The following CACNB2 variants were observed in gnomAD, a reference collection of about 807,000 sequenced individuals.
CACNB2 encodes calcium voltage-gated channel auxiliary subunit beta 2, also known as voltage-dependent L-type calcium channel subunit beta-2.
A neutral mutation model predicts 73.3 loss-of-function variants in CACNB2; 42 were observed. The observed-to-expected ratio is 0.57, with a 90% CI of 0.45 to 0.74. CACNB2 has a LOEUF of 0.74. Among genes scored for constraint, CACNB2 ranks in the 30% least tolerant of loss-of-function variants. The pLI, the probability that CACNB2 is intolerant of heterozygous loss-of-function variation, is 0.00. For synonymous variants in CACNB2, 348 were observed against 310.3 expected (o/e 1.12, Z -1.28); for missense variants, 940 against 853.0 (o/e 1.10, Z -1.27).
intron 2 of CACNB2, among the ~76,000 whole-genome samples, chr10:18,184,048 A>G (rs1779226): frequency 0.74 from 112,503 of 152,104 alleles, 41,659 homozygotes; most frequent in East Asian, 0.82. Context: ...GTGCCCAGCC[A>G]AGGTTAGCTC....
chr10:18,433,855 T>A (rs2046003916), intron 3 of CACNB2, among the ~76,000 whole-genome samples: 1 of 150,316 alleles, frequency 6.7e-6, no homozygotes, highest in Non-Finnish European at 1.5e-5. Flanking sequence ...CCATCAAAAC[T>A]ATTGTCTTAA....
At chr10:18,238,844 G>A (rs181639505) in intron 2 of CACNB2, among the ~76,000 whole-genome samples, 21 of 152,226 alleles carry the variant, frequency 1.4e-4, no homozygotes, top group Admixed American at 4.6e-4. Context: ...TAACACAACC[G>A]TAAACCATTC....
intron 2 of CACNB2, among the ~76,000 whole-genome samples, chr10:18,367,274 AAC>A (rs2042394865): frequency 6.6e-6 from 1 of 152,148 alleles, no homozygotes; most frequent in African/African-American, 2.4e-5. Flanking sequence ...GTTTGAAATG[AAC>A]ACATTTTATA....
chr10:18,194,318 C>A (rs901668382), intron 2 of CACNB2, among the ~76,000 whole-genome samples: 1 of 152,148 alleles, frequency 6.6e-6, no homozygotes, highest in African/African-American at 2.4e-5. Flanking sequence ...ACTCCAGGCC[C>A]CCCAGCTGAA....
At chr10:18,287,883 A>G (rs547724173) in intron 2 of CACNB2, among the ~76,000 whole-genome samples, 2 of 152,254 alleles carry the variant, frequency 1.3e-5, no homozygotes, top group South Asian at 4.2e-4. Flanking sequence ...CAGAGGTGTT[A>G]CTGGGGCTGT....
chr10:18,300,581 T>C (rs1393291941), intron 2 of CACNB2, among the ~76,000 whole-genome samples: 1 of 152,266 alleles, frequency 6.6e-6, no homozygotes, highest in African/African-American at 2.4e-5. Context: ...GTGTTTGTTA[T>C]GCCTTTTGGC....
intron 1 of CACNB2, among the ~76,000 whole-genome samples, chr10:18,149,330 G>A (rs1398475945): frequency 1.3e-5 from 2 of 152,140 alleles, no homozygotes; most frequent in East Asian, 3.8e-4. Flanking sequence ...ACTGAATAAT[G>A]TTTACACAAG....
intron 2 of CACNB2, among the ~76,000 whole-genome samples, chr10:18,216,483 C>T (rs889360002): frequency 1.1e-4 from 17 of 152,084 alleles, no homozygotes; most frequent in African/African-American, 4.1e-4. Context: ...ACATATCCCA[C>T]GTAAGCATGT....
At chr10:18,157,646 A>G (rs1289358075) in intron 2 of CACNB2, among the ~76,000 whole-genome samples, 1 of 152,170 alleles carries the variant, frequency 6.6e-6, no homozygotes, top group Non-Finnish European at 1.5e-5. Context: ...TGACTTTTCC[A>G]CAGTCACGTC....
chr10:18,401,461 G>A (rs2043992320), intron 2 of CACNB2, among the ~76,000 whole-genome samples: 1 of 152,172 alleles, frequency 6.6e-6, no homozygotes, highest in Admixed American at 6.6e-5. Flanking sequence ...AGATTAAAGT[G>A]GGAATCATGT....
intron 2 of CACNB2, among the ~76,000 whole-genome samples, chr10:18,241,048 C>G (rs957183066): frequency 5.3e-5 from 8 of 152,212 alleles, no homozygotes; most frequent in Non-Finnish European, 1.2e-4. Flanking sequence ...TACCTGATTG[C>G]CTCCTTTGGA....
intron 2 of CACNB2, among the ~76,000 whole-genome samples, chr10:18,371,669 G>T (rs1055967291): frequency 2.6e-5 from 4 of 152,162 alleles, no homozygotes; most frequent in African/African-American, 9.7e-5. Flanking sequence ...ACATACATGT[G>T]CATGTGTCTT....
chr10:18,443,585 A>G (rs572284354), intron 3 of CACNB2, among the ~76,000 whole-genome samples: 1 of 152,064 alleles, frequency 6.6e-6, no homozygotes, highest in Non-Finnish European at 1.5e-5. Context: ...TTGAGCAAAT[A>G]TTGTTCTCCA....
At chr10:18,311,334 A>G (rs1547168) in intron 2 of CACNB2, among the ~76,000 whole-genome samples, 55,187 of 151,946 alleles carry the variant, frequency 0.36, 10,810 homozygotes, top group Non-Finnish European at 0.43. Flanking sequence ...TAGTCTTCTC[A>G]TCTCTAAATG....
intron 3 of CACNB2, among the ~76,000 whole-genome samples, chr10:18,481,265 G>T (rs770901894): frequency 8.0e-5 from 2 of 25,042 alleles, no homozygotes; most frequent in African/African-American, 1.5e-4. Context: ...TTTTTTTTTT[G>T]AGACAGAGTC....
rs556441240 is a variant in CACNB2 at position 18,145,433 on chromosome 10, A to T, written c.120+4577A>T. The stretch of plus-strand genomic sequence containing the variant: ...ATGGTATTTTTTTTTTTCTAATGTG[A>T]CATGGGAGAAATTTACAGACATGCC... On this transcript the variant is annotated intron_variant, in intron 1 of 13. Transcript: ENST00000324631. Among the ~76,000 whole-genome samples the T allele has an allele frequency of 4.6e-5, 7 of 151,848 alleles. No homozygotes were observed. The South Asian group carries it at 1.5e-3, about 32-fold the overall frequency.
intron 2 of CACNB2, among the ~76,000 whole-genome samples, chr10:18,233,258 C>T (rs146822630): frequency 6.4e-4 from 98 of 152,280 alleles, no homozygotes; most frequent in African/African-American, 2.3e-3. Flanking sequence ...ACACTGACGT[C>T]ACACAAGGGA....
chr10:18,185,085 C>T (rs2034089527), intron 2 of CACNB2, among the ~76,000 whole-genome samples: 1 of 152,136 alleles, frequency 6.6e-6, no homozygotes, highest in Admixed American at 6.5e-5. Flanking sequence ...GCAATCCTCC[C>T]ACCTTGGCCC....
Position 18,140,672 on chromosome 10 carries a change from G to A in CACNB2, c.-65G>A. The stretch of plus-strand genomic sequence containing the variant: ...GAGCCGATCAGAGCGCGGGGAGGCG[G>A]GGGCGAGGAGGAGGGGACCCGCCGC... On this transcript the variant is annotated 5_prime_UTR_variant, in exon 1 of 14. Transcript: ENST00000324631. The A allele has an allele frequency of 1.4e-6, 2 of 1,413,076 alleles. No individual in the cohort carries two copies. Among genetic ancestry groups the A allele is most frequent in the African/African-American group, 2.8e-5 (2 of 71,324 alleles). The allele number at this position is 1,413,076 out of a possible 1,614,324, so 87.5% of individuals were successfully genotyped here.
Sources: gnomAD v4.1 joint callset for allele counts (sites outside exome capture counted in the v4.1 genomes callset) on GRCh38, gnomAD v4.1.1 for gene constraint, MANE v1.5 for transcripts, NCBI Gene and HGNC (gene_info 2026-07-23, HGNC 2026-07-21) for gene names.